GRSF1: variants seen among roughly 807,000 people sequenced by gnomAD.
GRSF1 encodes G-rich RNA sequence binding factor 1.
GRSF1 carries 50 observed loss-of-function variants against 51.1 expected under a neutral mutation model. The observed-to-expected ratio is 0.98, with a 90% confidence interval of 0.78 to 1.24. GRSF1 has a LOEUF of 1.24. Ranked by LOEUF, GRSF1 falls within the 50% of genes most tolerant of loss-of-function variation. The pLI, the probability that GRSF1 is intolerant of heterozygous loss-of-function variation, is 0.00. For synonymous variants in GRSF1, 293 were observed against 253.3 expected, an observed-to-expected ratio of 1.16 and a Z score of -1.49; for missense variants, 700 against 639.7, an observed-to-expected ratio of 1.09 and a Z score of -1.02.
At chr4:70,842,613 T>C (rs1156532796), upstream of GRSF1, among the ~76,000 whole-genome samples, 1 of 152,148 alleles carries the variant, frequency 6.6e-6, no homozygotes, top group Non-Finnish European at 1.5e-5. Flanking sequence ...ATTTTTCTTT[T>C]CGTAAGCCTC....
Position 70,818,319 on chromosome 4 carries a change from C to A in GRSF1, c.*2568G>T, listed in dbSNP as rs1016167126. The A allele has an allele frequency of 3.9e-5, 6 of 152,232 alleles. No individual in the cohort carries two copies. The East Asian group carries it at 1.2e-3, about 29-fold the overall frequency. 9.4% of individuals were successfully genotyped at this position (152,232 alleles called of 1,614,324 possible). On this transcript the variant is annotated 3_prime_UTR_variant, in exon 10 of 10. Coordinates refer to ENST00000254799, the MANE Select transcript of GRSF1 (RefSeq NM_002092.4). ...AAATTCTGAAACAAACAGGATGTAA[C>A]CCCAAAAAATAACTTTCCAAATGAG...
Position 70,839,527 on chromosome 4 carries a change from G to A in GRSF1, c.301C>T (p.Leu101=), listed in dbSNP as rs1015200121. The A allele has an allele frequency of 9.7e-6, 14 of 1,447,496 alleles. No homozygotes were observed. The Admixed American group carries it at 2.4e-4, about 25-fold the overall frequency. The allele number at this position is 1,447,496 out of a possible 1,614,324, so 89.7% of individuals were successfully genotyped here. A position where few individuals can be genotyped will look rare whatever the true frequency, so the allele number is the denominator to read the frequency against. ...AASYSALRAS[L]LPQSLAAAAA... is the part of the protein sequence containing the mutation. ...GCCGCCGCCAGCGACTGCGGCAGCA[G>A]AGAGGCACGGAGGGCAGAGTAGGAC... The change falls in exon 1 of 10, where the codon CTG becomes TTG. Residue 101 remains leucine, a synonymous_variant. Transcript: ENST00000254799.
In GRSF1 at chr4:70,834,074, C is replaced by G. The variant is rs533432537; in HGVS notation, c.515-801G>C. On this transcript the variant is annotated intron_variant, in intron 2 of 9. Transcript: ENST00000254799. Reference sequence around the variant, plus strand: ...AGGAGTTTGAGACCAACCTGGCCAACACGGCAAAACCCTGTCTCTACTAAA... The same window carrying G: ...AGGAGTTTGAGACCAACCTGGCCAAGACGGCAAAACCCTGTCTCTACTAAA... 1.3e-4 allele frequency among the ~76,000 whole-genome samples: 20 copies of G among 152,230 alleles called. No individual in the cohort carries two copies. The South Asian group carries it at 4.1e-3, about 32-fold the overall frequency.
At chr4:70,822,989 C>T (rs1411911030) in intron 9 of GRSF1, among the ~76,000 whole-genome samples, 2 of 151,882 alleles carry the variant, frequency 1.3e-5, no homozygotes, top group African/African-American at 2.4e-5. Context: ...CCCAGCTACT[C>T]GGGAGACTGA....
At position 70,817,038 on chromosome 4, in the gene GRSF1, T is replaced by TAA. The variant is rs1344413480; in HGVS notation, c.*3848_*3849insTT. 6.6e-6 allele frequency: 1 copy of TAA among 152,202 alleles called. No homozygotes were observed. Among genetic ancestry groups the TAA allele is most frequent in the Non-Finnish European group, 1.5e-5 (1 of 68,048 alleles). The allele number at this position is 152,202 out of a possible 1,614,324, so 9.4% of individuals were successfully genotyped here. A position where few individuals can be genotyped will look rare whatever the true frequency, so the allele number is the denominator to read the frequency against. On this transcript the variant is annotated 3_prime_UTR_variant, in exon 10 of 10. Transcript: ENST00000254799. The stretch of plus-strand genomic sequence containing the variant: ...ATGACAACACCCACTAACACTTGCT[T>TAA]ATAAATAAAGTAAAAGTCACTGCAA...
In GRSF1 at chr4:70,820,530, C is replaced by T. The variant is rs533763669; in HGVS notation, c.*357G>A. 4 of 152,312 alleles carry T rather than the reference C, an allele frequency of 2.6e-5. No individual in the cohort carries two copies. In the South Asian group the frequency reaches 6.2e-4, roughly 24 times the overall value. 9.4% of individuals were successfully genotyped at this position (152,312 alleles called of 1,614,324 possible). On this transcript the variant is annotated 3_prime_UTR_variant, in exon 10 of 10. Coordinates refer to ENST00000254799, the MANE Select transcript of GRSF1 (RefSeq NM_002092.4). The stretch of plus-strand genomic sequence containing the variant: ...AAAAAAGTTACTTTTTAAATGAAAC[C>T]GTTTAAAGAACACTGCTGAATAAAA...
At position 70,819,629 on chromosome 4, in the gene GRSF1, T is replaced by C. The variant is rs975638210; in HGVS notation, c.*1258A>G. ...GTTATGTATTAAGTAAGAGAAGACATAGTCTCTCTTCCAGGTATCACCTGT... is the reference window on the plus strand; with the variant it reads ...GTTATGTATTAAGTAAGAGAAGACACAGTCTCTCTTCCAGGTATCACCTGT... On this transcript the variant is annotated 3_prime_UTR_variant, in exon 10 of 10. Coordinates refer to ENST00000254799, the MANE Select transcript of GRSF1 (RefSeq NM_002092.4). 3.3e-5 allele frequency: 5 copies of C among 152,596 alleles called. No homozygotes were observed. The highest frequency in any genetic ancestry group is 4.1e-4 in the South Asian group (2 of 4,834). 9.5% of individuals were successfully genotyped at this position (152,596 alleles called of 1,614,324 possible). A position where few individuals can be genotyped will look rare whatever the true frequency, so the allele number is the denominator to read the frequency against.
At chr4:70,841,535 C>T (rs1734458648), upstream of GRSF1, among the ~76,000 whole-genome samples, 1 of 152,194 alleles carries the variant, frequency 6.6e-6, no homozygotes, top group Non-Finnish European at 1.5e-5. Context: ...AAATGTCAAA[C>T]AGAAGAGCAG....
rs747828598 is a variant in GRSF1 at position 70,817,097 on chromosome 4, AG to A, written c.*3789del. 3 of 152,248 alleles carry A rather than the reference AG, an allele frequency of 2.0e-5. No individual in the cohort carries two copies. The highest frequency in any genetic ancestry group is 4.4e-5 in the Non-Finnish European group (3 of 68,040). 9.4% of individuals were successfully genotyped at this position (152,248 alleles called of 1,614,324 possible). A position where few individuals can be genotyped will look rare whatever the true frequency, so the allele number is the denominator to read the frequency against. ...TAGAAACTGATAACAGGGCTGTGCG[AG>A]AATAGAAACTAAACAGCTGAATTAC... is the stretch of plus-strand genomic sequence containing the variant. On this transcript the variant is annotated 3_prime_UTR_variant, in exon 10 of 10. Transcript: ENST00000254799.
At chr4:70,833,721 G>GT (rs1359940324) in intron 2 of GRSF1, among the ~76,000 whole-genome samples, 1 of 151,980 alleles carries the variant, frequency 6.6e-6, no homozygotes, top group African/African-American at 2.4e-5. Context: ...GTCTCATTTT[G>GT]TTGCACAGGC....
intron 1 of GRSF1, among the ~76,000 whole-genome samples, chr4:70,838,710 A>G (rs937296427): frequency 1.3e-5 from 2 of 152,188 alleles, no homozygotes; most frequent in Non-Finnish European, 2.9e-5. Flanking sequence ...TTTTCTAAAA[A>G]AATAAAGAAA....
rs1052188887 is a variant in GRSF1 at position 70,816,020 on chromosome 4, A to C, written c.*4867T>G. ...AAGTGAGTCCGTTATATGAAGTTCTAGAATAGGCAAAATTAATCTACAGTG... is the reference window on the plus strand; with the variant it reads ...AAGTGAGTCCGTTATATGAAGTTCTCGAATAGGCAAAATTAATCTACAGTG... On this transcript the variant is annotated 3_prime_UTR_variant, in exon 10 of 10. Coordinates refer to ENST00000254799, the MANE Select transcript of GRSF1 (RefSeq NM_002092.4). The C allele has an allele frequency of 6.6e-6, 1 of 152,260 alleles. No individual in the cohort carries two copies. Among genetic ancestry groups the C allele is most frequent in the Non-Finnish European group, 1.5e-5 (1 of 68,052 alleles). 9.4% of individuals were successfully genotyped at this position (152,260 alleles called of 1,614,324 possible). A position where few individuals can be genotyped will look rare whatever the true frequency, so the allele number is the denominator to read the frequency against.
At chr4:70,839,156 C>T in intron 1 of GRSF1, 2 of 1,337,390 alleles carry the variant, frequency 1.5e-6, no homozygotes, top group Non-Finnish European at 2.0e-6. Flanking sequence ...GTGGGGGCGT[C>T]AGCAGCCTCA....
chr4:70,827,623 T>C (rs539745531), intron 6 of GRSF1, among the ~76,000 whole-genome samples: 6 of 151,828 alleles, frequency 4.0e-5, no homozygotes, highest in Non-Finnish European at 5.9e-5. Context: ...ACTAAAAATA[T>C]AAAAATTGGC....
At chr4:70,830,819 T>C (rs1733934949) in intron 5 of GRSF1, among the ~76,000 whole-genome samples, 1 of 151,746 alleles carries the variant, frequency 6.6e-6, no homozygotes, top group Non-Finnish European at 1.5e-5. Context: ...TGAAACTCCG[T>C]TGCCAAAAAA....
chr4:70,835,444 TA>T (rs1379023166), intron 2 of GRSF1, among the ~76,000 whole-genome samples: 1 of 141,404 alleles, frequency 7.1e-6, no homozygotes, highest in Non-Finnish European at 1.5e-5. Context: ...AAAAAAAACC[TA>T]CATAGTATGA....
At chr4:70,833,823 T>TC (rs1335960421) in intron 2 of GRSF1, among the ~76,000 whole-genome samples, 89 of 152,196 alleles carry the variant, frequency 5.8e-4, no homozygotes, top group Admixed American at 5.9e-4. Context: ...CCAGCCTTTT[T>TC]CCCCTTTTCA....
upstream of GRSF1, among the ~76,000 whole-genome samples, chr4:70,840,597 T>C (rs1734427471): frequency 6.6e-6 from 1 of 152,152 alleles, no homozygotes; most frequent in African/African-American, 2.4e-5. Flanking sequence ...ACTGTGTCTC[T>C]ACTAAAAACA....
chr4:70,839,406 C>T (rs1356197611), intron 1 of GRSF1, 65 bp downstream of exon 1: 3 of 1,498,842 alleles, frequency 2.0e-6, no homozygotes, highest in Non-Finnish European at 1.8e-6. Flanking sequence ...GACGGAGGGG[C>T]GCGGGGGCGC....
Sources: allele counts gnomAD v4.1 joint callset (sites outside exome capture counted in the v4.1 genomes callset), GRCh38; gene constraint gnomAD v4.1.1; transcripts MANE v1.5; gene names NCBI Gene and HGNC (gene_info 2026-07-23, HGNC 2026-07-21).